THSD4: variants seen among roughly 807,000 people sequenced by gnomAD.
The protein encoded by THSD4 is thrombospondin type-1 domain-containing protein 4.
In THSD4, 69 loss-of-function variants were observed where a neutral mutation model predicts 119.0. The ratio of observed to expected loss-of-function variants is 0.58; its 90% CI spans 0.48 to 0.71. The LOEUF (loss-of-function observed/expected upper bound fraction) is 0.71. Among genes scored for constraint, THSD4 ranks in the 30% least tolerant of loss-of-function variants. THSD4 has a pLI of 0.00. For synonymous variants in THSD4, 524 were observed against 540.4 expected, an observed-to-expected ratio of 0.97 and a Z score of 0.42; for missense variants, 1,393 against 1,391.1, an observed-to-expected ratio of 1.00 and a Z score of -0.02.
At chr15:71,105,873 G>A (rs1280662738) in intron 1 of THSD4, among the ~76,000 whole-genome samples, 2 of 152,010 alleles carry the variant, frequency 1.3e-5, no homozygotes, top group Non-Finnish European at 2.9e-5. Flanking sequence ...TATATTAATA[G>A]AGAAAAAAAG....
intron 7 of THSD4, among the ~76,000 whole-genome samples, chr15:71,501,230 A>G (rs2048108486): frequency 6.6e-6 from 1 of 152,262 alleles, no homozygotes; most frequent in African/African-American, 2.4e-5. Context: ...GAAGGCAGAA[A>G]GAGGCAAAAC....
intron 3 of THSD4, among the ~76,000 whole-genome samples, chr15:71,174,762 G>T (rs370656365): frequency 1.3e-3 from 194 of 150,848 alleles, no homozygotes; most frequent in Non-Finnish European, 2.5e-3. Flanking sequence ...AAGAGAGCAG[G>T]GGTTCTCCCA....
intron 8 of THSD4, among the ~76,000 whole-genome samples, chr15:71,661,151 A>T (rs2051298525): frequency 1.3e-5 from 2 of 152,250 alleles, no homozygotes; most frequent in South Asian, 4.1e-4. Flanking sequence ...TCTAAAGCGA[A>T]GCCATTTTTC....
chr15:71,700,382 G>GA (rs2052260692), intron 8 of THSD4, among the ~76,000 whole-genome samples: 1 of 151,954 alleles, frequency 6.6e-6, no homozygotes, highest in African/African-American at 2.4e-5. Context: ...AACAATAAAT[G>GA]TACAAGAACC....
intron 6 of THSD4, among the ~76,000 whole-genome samples, chr15:71,330,905 A>T (rs886979317): frequency 7.2e-5 from 11 of 152,208 alleles, no homozygotes; most frequent in Non-Finnish European, 1.2e-4. Flanking sequence ...CACAGAGCAG[A>T]GGTTTGAGTG....
chr15:71,432,065 T>G (rs1039314999), intron 7 of THSD4, among the ~76,000 whole-genome samples: 11 of 152,120 alleles, frequency 7.2e-5, no homozygotes, highest in Non-Finnish European at 1.5e-4. Context: ...TTATGACTGG[T>G]AACATAAACC....
intron 7 of THSD4, among the ~76,000 whole-genome samples, chr15:71,621,127 T>G (rs1373357304): frequency 6.6e-6 from 1 of 152,210 alleles, no homozygotes; most frequent in Non-Finnish European, 1.5e-5. Context: ...TTGTTTCACA[T>G]CTTAACATCT....
chr15:71,383,590 G>A (rs1470488578), intron 6 of THSD4, among the ~76,000 whole-genome samples: 1 of 152,108 alleles, frequency 6.6e-6, no homozygotes, highest in Non-Finnish European at 1.5e-5. Context: ...ACAACTTTAC[G>A]AATGTGGATT....
chr15:71,607,599 G>A (rs970573107), intron 7 of THSD4, among the ~76,000 whole-genome samples: 2 of 152,322 alleles, frequency 1.3e-5, no homozygotes, highest in Middle Eastern at 3.4e-3. Flanking sequence ...GGAAAGCACC[G>A]GTGTGGCAGA....
At chr15:71,312,338 G>T (rs962236389) in intron 6 of THSD4, among the ~76,000 whole-genome samples, 1 of 152,012 alleles carries the variant, frequency 6.6e-6, no homozygotes, top group Non-Finnish European at 1.5e-5. Flanking sequence ...GAGGCAGGGG[G>T]TGGAGTGGGG....
intron 6 of THSD4, among the ~76,000 whole-genome samples, chr15:71,350,473 G>A (rs568839415): frequency 3.9e-5 from 6 of 152,106 alleles, no homozygotes; most frequent in South Asian, 2.1e-4. Flanking sequence ...GCCAGTGACC[G>A]CTTAAGTGAC....
At chr15:71,543,064 T>C (rs938593997) in intron 7 of THSD4, among the ~76,000 whole-genome samples, 1 of 152,054 alleles carries the variant, frequency 6.6e-6, no homozygotes, top group African/African-American at 2.4e-5. Context: ...GGTCCTGGAA[T>C]AGAAAAAGTA....
At chr15:71,757,099 A>G (rs1430935463) in intron 14 of THSD4, among the ~76,000 whole-genome samples, 1 of 152,116 alleles carries the variant, frequency 6.6e-6, no homozygotes, top group Non-Finnish European at 1.5e-5. Context: ...GCCCTGTCAG[A>G]AATGTGTTTC....
At chr15:71,199,774 T>TGGTGTGTG (rs2043772089) in intron 3 of THSD4, among the ~76,000 whole-genome samples, 4 of 129,028 alleles carry the variant, frequency 3.1e-5, no homozygotes, top group South Asian at 2.6e-4. Context: ...GTGGTGTGTG[T>TGGTGTGTG]GGTGTGTGGG....
chr15:71,570,798 G>A (rs1489912316), intron 7 of THSD4, among the ~76,000 whole-genome samples: 4 of 152,140 alleles, frequency 2.6e-5, no homozygotes, highest in Admixed American at 2.6e-4. Flanking sequence ...TCTTCAACTG[G>A]AAAATAAGAA....
In THSD4 at chr15:71,745,144, A is replaced by G; in HGVS notation, c.1945A>G (p.Thr649Ala). The change falls in exon 12 of 18, where the codon ACT becomes GCT. Residue 649 changes from threonine to alanine, a missense_variant. Transcript: ENST00000261862. ...YPIFRCVHRS[T>A]HEEAPESYCD... is the part of the protein sequence containing the mutation. ...TATTTTCCGCTGTGTGCACAGAAGC[A>G]CTCATGAAGAGGCTCCTGAGAGTTA... 6.2e-7 allele frequency: 1 copy of G among 1,612,374 alleles called. No homozygotes were observed. The highest frequency in any genetic ancestry group is 8.5e-7 in the Non-Finnish European group (1 of 1,179,938).
intron 7 of THSD4, among the ~76,000 whole-genome samples, chr15:71,490,982 C>T (rs2047910466): frequency 6.6e-6 from 1 of 152,160 alleles, no homozygotes; most frequent in Admixed American, 6.5e-5. Context: ...TTTCCAAACT[C>T]TGTTGTACTA....
At chr15:71,729,470 G>A (rs569924637) in intron 9 of THSD4, 11 of 152,308 alleles carry the variant, frequency 7.2e-5, no homozygotes, top group Admixed American at 5.2e-4. Context: ...CCAAAGCTGA[G>A]CTGATTAACA....
chr15:71,688,707 C>CTCTG (rs1555441610), intron 8 of THSD4, among the ~76,000 whole-genome samples: 26 of 133,438 alleles, frequency 1.9e-4, no homozygotes, highest in East Asian at 4.8e-4. Flanking sequence ...TTTTGTATCT[C>CTCTG]TGTGTGTGTG....
Sources: allele counts gnomAD v4.1 joint callset (sites outside exome capture counted in the v4.1 genomes callset), GRCh38; gene constraint gnomAD v4.1.1; transcripts MANE v1.5; gene names NCBI Gene and HGNC (gene_info 2026-07-23, HGNC 2026-07-21).